The following SRSF7 variants were observed in gnomAD, a reference collection of about 807,000 sequenced individuals.
SRSF7 encodes the protein serine and arginine rich splicing factor 7.
A neutral mutation model predicts 42.2 loss-of-function variants in SRSF7; 15 were observed. The ratio of observed to expected loss-of-function variants is 0.36; its 90% confidence interval spans 0.24 to 0.55. The LOEUF is 0.55. Ranked by LOEUF, SRSF7 falls within the 20% of genes least tolerant of loss-of-function variation. The probability of loss-of-function intolerance (pLI) is 0.88; values close to 1 mark genes in which losing one functional copy is unlikely to be tolerated. For synonymous variants in SRSF7, 138 were observed against 107.9 expected (o/e 1.28, Z -1.73); for missense variants, 181 against 305.9 (o/e 0.59, Z 3.04).
In SRSF7 at chr2:38,751,330, C is replaced by A; in HGVS notation, c.-74G>T. On this transcript the variant is annotated 5_prime_UTR_variant, in exon 1 of 8. Transcript: ENST00000313117. ...CGAGTGACGCAAAAGCTGACACACACCTTCACCCGCCAAGAGTCCCGGCGG... is the reference window on the plus strand; with the variant it reads ...CGAGTGACGCAAAAGCTGACACACAACTTCACCCGCCAAGAGTCCCGGCGG... 22 of 1,600,780 alleles carry A rather than the reference C, an allele frequency of 1.4e-5. No homozygotes were observed. Among genetic ancestry groups the A allele is most frequent in the Middle Eastern group, 1.7e-4 (1 of 6,056 alleles).
At chr2:38,746,915 A>T (rs912832235) in intron 5 of SRSF7, 168 bp from the exon 6 acceptor site, 1 of 1,141,544 alleles carries the variant, frequency 8.8e-7, no homozygotes, top group Admixed American at 2.5e-5. Flanking sequence ...GTTACCAGAC[A>T]TAAGGAACCC....
At chr2:38,751,093 C>G in intron 1 of SRSF7, 136 bp downstream of exon 1, 1 of 1,181,692 alleles carries the variant, frequency 8.5e-7, no homozygotes, top group Non-Finnish European at 1.3e-6. Context: ...CCGCTGCCTC[C>G]GGCTTCGTCT....
In SRSF7 at chr2:38,751,146, T is replaced by C. The variant is rs894648148; in HGVS notation, c.28+83A>G. 9 of 1,577,036 alleles carry C rather than the reference T, an allele frequency of 5.7e-6. No homozygotes were observed. The East Asian group carries it at 1.6e-4, about 27-fold the overall frequency. On this transcript the variant is annotated intron_variant, in intron 1 of 7. Transcript: ENST00000313117. ...CCATTACGCACGCGGAATAACCGTCTCCCAACCTCCGCGACAACCCTACGG... is the reference window on the plus strand; with the variant it reads ...CCATTACGCACGCGGAATAACCGTCCCCCAACCTCCGCGACAACCCTACGG...
intron 4 of SRSF7, 61 bp from the exon 5 acceptor site, chr2:38,748,218 T>C: frequency 4.6e-6 from 6 of 1,298,080 alleles, no homozygotes; most frequent in Non-Finnish European, 6.6e-6. Flanking sequence ...CTGTTAAGAC[T>C]TCAACTGGGG....
At position 38,748,157 on chromosome 2, in the gene SRSF7, C is replaced by T; in HGVS notation, c.462G>A (p.Arg154=). 157 of 1,606,978 alleles carry T rather than the reference C, an allele frequency of 9.8e-5. 1 individual carries two copies. Among genetic ancestry groups the T allele is most frequent in the Non-Finnish European group, 1.3e-4 (151 of 1,177,352 alleles). Residue 154 remains arginine (R), a splice_region_variant and synonymous_variant, in exon 5 of 8, where the codon AGG becomes AGA. Transcript: ENST00000313117. The stretch of plus-strand genomic sequence containing the variant: ...ATCGTCGAGGAGATGCTGACCTTGA[C>T]CTAAAATAAAGAACTTTAAGTCCAT... The part of the protein sequence containing the change: ...SRSRSRSRGR[R]SRSASPRRSR...
intron 2 of SRSF7, 113 bp downstream of exon 2, chr2:38,749,901 A>C: frequency 7.6e-7 from 1 of 1,318,840 alleles, no homozygotes; most frequent in Non-Finnish European, 1.0e-6. Flanking sequence ...ATTTAACACT[A>C]TGACCAGCTA....
chr2:38,751,032 ACT>A (rs1668264949), intron 1 of SRSF7, 195 bp downstream of exon 1: 4 of 642,158 alleles, frequency 6.2e-6, no homozygotes, highest in Non-Finnish European at 1.1e-5. Flanking sequence ...AGAGTACGGA[ACT>A]CGGCAGAGAT....
intron 6 of SRSF7, 136 bp downstream of exon 6, chr2:38,746,558 A>C: frequency 2.3e-6 from 3 of 1,316,874 alleles, no homozygotes; most frequent in Non-Finnish European, 3.1e-6. Context: ...TAGGACATAC[A>C]CAAATAAGGT....
chr2:38,750,999 G>A (rs113429627), intron 1 of SRSF7: 14 of 549,418 alleles, frequency 2.5e-5, no homozygotes, highest in African/African-American at 2.3e-4. Context: ...GCTTTAGGCT[G>A]GATTGGGCCA....
Position 38,746,182 on chromosome 2 carries a change from G to A in SRSF7, c.627-3C>T, listed in dbSNP as rs1293243516. The A allele has an allele frequency of 6.2e-7, 1 of 1,614,040 alleles. No homozygotes were observed. The highest frequency in any genetic ancestry group is 8.5e-7 in the Non-Finnish European group (1 of 1,179,986). On this transcript the variant is annotated splice_region_variant and splice_polypyrimidine_tract_variant and intron_variant, in intron 6 of 7. Coordinates refer to ENST00000313117, the MANE Select transcript of SRSF7 (RefSeq NM_001031684.3). ...ATGGAGATCTGGACTTTGATCGGCTGTCAAAACATGAGAAATTCTATTAAA... is the reference window on the plus strand; with the variant it reads ...ATGGAGATCTGGACTTTGATCGGCTATCAAAACATGAGAAATTCTATTAAA...
chr2:38,748,690 C>A, intron 3 of SRSF7, 37 bp from the exon 4 acceptor site: 3 of 1,595,342 alleles, frequency 1.9e-6, no homozygotes, highest in Admixed American at 1.7e-5. Context: ...AAATGTCAGA[C>A]AATAACTCGT....
Position 38,750,516 on chromosome 2 carries a change from C to A in SRSF7, c.29-322G>T, listed in dbSNP as rs1344994014. Among the ~76,000 whole-genome samples the A allele has an allele frequency of 3.3e-5, 5 of 151,568 alleles. No individual in the cohort carries two copies. The South Asian group carries it at 6.2e-4, about 19-fold the overall frequency. On this transcript the variant is annotated intron_variant, in intron 1 of 7. Transcript: ENST00000313117. Reference sequence around the variant, plus strand: ...TGAGTCCCGGCAGCCCCGGGCGCACCGGGAGCGCGCGGGCCCGCAGCGGCA... The same window carrying A: ...TGAGTCCCGGCAGCCCCGGGCGCACAGGGAGCGCGCGGGCCCGCAGCGGCA...
At chr2:38,747,996 G>C (rs760698240) in intron 5 of SRSF7, 51 bp downstream of exon 5, 2 of 1,341,268 alleles carry the variant, frequency 1.5e-6, no homozygotes, top group Non-Finnish European at 2.1e-6. Flanking sequence ...ACACTCTACT[G>C]ATAAGATGTG....
In SRSF7 at chr2:38,746,751, A is replaced by C. The variant is rs1667473908; in HGVS notation, c.573-4T>G. ...TGATCTTGACCTCGACGGGGATCTT[A>C]ATAAAAAAAGTGAAAAACACAATTA... On this transcript the variant is annotated splice_polypyrimidine_tract_variant and splice_region_variant and intron_variant, in intron 5 of 7. Coordinates refer to ENST00000313117, the MANE Select transcript of SRSF7 (RefSeq NM_001031684.3). 6.2e-7 allele frequency: 1 copy of C among 1,613,546 alleles called. No individual in the cohort carries two copies. The highest frequency in any genetic ancestry group is 1.3e-5 in the African/African-American group (1 of 74,932).
intron 7 of SRSF7, among the ~76,000 whole-genome samples, 193 bp from the exon 8 acceptor site, chr2:38,745,380 C>T (rs985109509): frequency 6.6e-6 from 1 of 152,200 alleles, no homozygotes; most frequent in Non-Finnish European, 1.5e-5. Flanking sequence ...TGGCCAGGCA[C>T]GGTGGCTCAC....
intron 4 of SRSF7, 149 bp downstream of exon 4, chr2:38,748,430 C>G: frequency 1.3e-6 from 1 of 789,904 alleles, no homozygotes; most frequent in Non-Finnish European, 2.1e-6. Context: ...ATCATCAAGG[C>G]AGCAGTGAGT....
intron 4 of SRSF7, 57 bp downstream of exon 4, chr2:38,748,522 G>A (rs1252419717): frequency 1.2e-5 from 18 of 1,538,364 alleles, no homozygotes; most frequent in Non-Finnish European, 1.4e-5. Context: ...TTTCTGTGTT[G>A]GACTACCAGT....
chr2:38,745,134 C>CA lies in SRSF7; in HGVS notation c.715dup (p.Ter239LeufsTer52). 1.2e-6 allele frequency: 2 copies of CA among 1,614,142 alleles called. No homozygotes were observed. The highest frequency in any genetic ancestry group is 1.7e-6 in the Non-Finnish European group (2 of 1,179,972). Reference sequence around the variant, plus strand: ...CCCTAAAGGGTGAACTTGAGAGCTTCAGTCCATTCTTTCAGGACTTGCACT... The same window carrying CA: ...CCCTAAAGGGTGAACTTGAGAGCTTCAAGTCCATTCTTTCAGGACTTGCACT... On this transcript the variant is annotated frameshift_variant and stop_lost, in exon 8 of 8. Coordinates refer to ENST00000313117, the MANE Select transcript of SRSF7 (RefSeq NM_001031684.3). LOFTEE classifies it high-confidence loss of function.
Position 38,750,261 on chromosome 2 carries a change from T to C in SRSF7, c.29-67A>G, listed in dbSNP as rs1049996045. 74 of 1,457,320 alleles carry C rather than the reference T, an allele frequency of 5.1e-5. No individual in the cohort carries two copies. The African/African-American group carries it at 8.6e-4, about 17-fold the overall frequency. The allele number at this position is 1,457,320 out of a possible 1,614,324, so 90.3% of individuals were successfully genotyped here. A position where few individuals can be genotyped will look rare whatever the true frequency, so the allele number is the denominator to read the frequency against. On this transcript the variant is annotated intron_variant, in intron 1 of 7. Coordinates refer to ENST00000313117, the MANE Select transcript of SRSF7 (RefSeq NM_001031684.3). Reference sequence around the variant, plus strand: ...TCTGGCCCAAGTTTCAATTACTTATTTGCCTTAAAACGGGCCATCCTCAAG... The same window carrying C: ...TCTGGCCCAAGTTTCAATTACTTATCTGCCTTAAAACGGGCCATCCTCAAG...
Sources: allele counts gnomAD v4.1 joint callset (sites outside exome capture counted in the v4.1 genomes callset), GRCh38; gene constraint gnomAD v4.1.1; transcripts MANE v1.5; gene names NCBI Gene and HGNC (gene_info 2026-07-23, HGNC 2026-07-21).